The following SORBS2 variants were observed in gnomAD, a reference collection of about 807,000 sequenced individuals.
The protein encoded by SORBS2 is sorbin and SH3 domain containing 2.
Under a neutral mutation model 97.7 loss-of-function variants are expected in SORBS2, and 46 were observed. The ratio of observed to expected loss-of-function variants is 0.47; its 90% CI spans 0.37 to 0.60. The LOEUF (loss-of-function observed/expected upper bound fraction) is 0.60, where lower values mean the gene tolerates loss of function less well. Among genes scored for constraint, SORBS2 ranks in the 20% least tolerant of loss-of-function variants. The probability of loss-of-function intolerance (pLI) is 0.00; values close to 1 mark genes in which losing one functional copy is unlikely to be tolerated. For synonymous variants in SORBS2, 476 were observed against 473.4 expected, an observed-to-expected ratio of 1.01 and a Z score of -0.07; for missense variants, 1,316 against 1,282.3, an observed-to-expected ratio of 1.03 and a Z score of -0.40.
intron 4 of SORBS2, among the ~76,000 whole-genome samples, chr4:185,671,484 A>T (rs4862558): frequency 0.79 from 120,300 of 152,114 alleles, 47,822 homozygotes; most frequent in East Asian, 0.92. Flanking sequence ...TTCATGTGTA[A>T]AATATAGGCA....
chr4:185,606,069 G>C lies in SORBS2; in HGVS notation c.2796+5711C>G. The C allele has an allele frequency of 8.1e-6, 8 of 984,514 alleles. No individual in the cohort carries two copies. Among genetic ancestry groups the C allele is most frequent in the Non-Finnish European group, 9.6e-6 (8 of 829,156 alleles). The allele number at this position is 984,514 out of a possible 1,614,324, so 61.0% of individuals were successfully genotyped here. A position where few individuals can be genotyped will look rare whatever the true frequency, so the allele number is the denominator to read the frequency against. ...AGAAGTGCTGTTTTTCTTTTCTGTT[G>C]TCTTTGTTTATTATTAGCATTATTA... On this transcript the variant is annotated intron_variant, in intron 12 of 14. Coordinates refer to ENST00000418609, the Ensembl canonical transcript of SORBS2. This position sits in a 1 kb window ranked among gnomAD's most constrained non-coding sequence, Gnocchi z 4.3.
At chr4:185,776,656 T>C (rs905634796) in intron 1 of SORBS2, among the ~76,000 whole-genome samples, 1 of 151,992 alleles carries the variant, frequency 6.6e-6, no homozygotes, top group Non-Finnish European at 1.5e-5. Context: ...AATCCAGCAC[T>C]TTGGGAGGCT....
At chr4:185,659,452 A>T (rs943690493), upstream of SORBS2, among the ~76,000 whole-genome samples, 7 of 106,400 alleles carry the variant, frequency 6.6e-5, no homozygotes, top group African/African-American at 1.3e-4. Context: ...AGTCTTGCTC[A>T]GTCACCCAGG....
intron 2 of SORBS2, among the ~76,000 whole-genome samples, chr4:185,769,828 T>A (rs2153621549): frequency 6.6e-6 from 1 of 152,280 alleles, no homozygotes; most frequent in South Asian, 2.1e-4. Flanking sequence ...ATACATCCTA[T>A]TAATACAGTG....
intron 1 of SORBS2, among the ~76,000 whole-genome samples, chr4:185,860,940 A>C (rs1442620306): frequency 1.3e-5 from 2 of 151,768 alleles, no homozygotes; most frequent in African/African-American, 4.8e-5. Context: ...AAGATGCCAG[A>C]CTCTTAGCTT....
At position 185,932,352 on chromosome 4, in the gene SORBS2, C is replaced by T. The variant is rs150369141; in HGVS notation, c.-338+23844G>A. The stretch of plus-strand genomic sequence containing the variant: ...TAAGTCAACTTTTAATAACCACACA[C>T]GGTTTTGACATGTCCACTGCTGCTT... On this transcript the variant is annotated intron_variant, in intron 1 of 20. Coordinates refer to the SORBS2 transcript ENST00000284776. Among the ~76,000 whole-genome samples, 208 of 151,732 alleles carry T rather than the reference C, an allele frequency of 1.4e-3. 3 individuals are homozygous for T. Among genetic ancestry groups the T allele is most frequent in the African/African-American group, 4.7e-3 (193 of 41,324 alleles).
At chr4:185,793,889 G>C (rs2153649995) in intron 1 of SORBS2, among the ~76,000 whole-genome samples, 1 of 152,322 alleles carries the variant, frequency 6.6e-6, no homozygotes, top group South Asian at 2.1e-4. Flanking sequence ...TCACATGGCA[G>C]CGGCCACACC....
intron 2 of SORBS2, among the ~76,000 whole-genome samples, chr4:185,652,159 G>A (rs2097326553): frequency 6.6e-6 from 1 of 151,982 alleles, no homozygotes; most frequent in Non-Finnish European, 1.5e-5. Flanking sequence ...TTTTTTATCT[G>A]TAACATATTC....
chr4:185,702,490 A>G (rs2098278212), intron 2 of SORBS2, among the ~76,000 whole-genome samples: 2 of 151,988 alleles, frequency 1.3e-5, no homozygotes, highest in Admixed American at 1.3e-4. Flanking sequence ...AGACTCAAAC[A>G]CCTCCCATTA....
At chr4:185,693,044 T>C (rs903851562) in intron 2 of SORBS2, among the ~76,000 whole-genome samples, 1 of 152,172 alleles carries the variant, frequency 6.6e-6, no homozygotes, top group Admixed American at 6.5e-5. Flanking sequence ...CTGGGCATCA[T>C]TGCAGTGTAG....
At chr4:185,939,757 G>A (rs528864804) in intron 1 of SORBS2, among the ~76,000 whole-genome samples, 42 of 152,150 alleles carry the variant, frequency 2.8e-4, no homozygotes, top group East Asian at 1.4e-3. Context: ...TGATCTGCCC[G>A]CCTCGGCCTC....
At chr4:185,925,987 G>C (rs1283570072) in intron 1 of SORBS2, among the ~76,000 whole-genome samples, 1 of 152,182 alleles carries the variant, frequency 6.6e-6, no homozygotes, top group African/African-American at 2.4e-5. Flanking sequence ...CTGTGTGGGA[G>C]CGAAGGATTC....
chr4:185,618,653 T>C, intron 8 of SORBS2, 22 bp from the exon 21 acceptor site: 1 of 1,492,554 alleles, frequency 6.7e-7, no homozygotes, highest in Non-Finnish European at 9.1e-7. Context: ...GATAAACAAT[T>C]AGCACTAATT....
At chr4:185,835,446 T>C (rs901998728) in intron 1 of SORBS2, among the ~76,000 whole-genome samples, 1 of 152,170 alleles carries the variant, frequency 6.6e-6, no homozygotes, top group Non-Finnish European at 1.5e-5. Flanking sequence ...TGAAACCATA[T>C]TATCTCACAT....
rs1000059062 is a variant in SORBS2, at chr4:185,912,374, C to T, written c.-338+43822G>A. ...CCGAGGCGGGTGGATCATCTGAGGT[C>T]AGGAGTTCGAGACCAGCCTGGCCAA... is the stretch of plus-strand genomic sequence containing the variant. On this transcript the variant is annotated intron_variant, in intron 1 of 20. Coordinates refer to the SORBS2 transcript ENST00000284776. Among the ~76,000 whole-genome samples the T allele has an allele frequency of 4.6e-5, 7 of 151,934 alleles. 1 individual carries two copies. The highest frequency in any genetic ancestry group is 8.8e-5 in the Non-Finnish European group (6 of 67,994).
At chr4:185,593,836 T>G (rs1215472314) in intron 13 of SORBS2, 50 bp downstream of exon 25, 1 of 1,239,240 alleles carries the variant, frequency 8.1e-7, no homozygotes. Context: ...AGTTGTCCAT[T>G]TTGTGGGTCA....
At chr4:185,906,466 A>G (rs1456755931) in intron 1 of SORBS2, among the ~76,000 whole-genome samples, 2 of 152,256 alleles carry the variant, frequency 1.3e-5, no homozygotes, top group Non-Finnish European at 2.9e-5. Flanking sequence ...TTAGGAAGTT[A>G]ATTAGAGATA....
intron 1 of SORBS2, among the ~76,000 whole-genome samples, chr4:185,837,711 AG>A (rs2099208927): frequency 6.6e-6 from 1 of 152,158 alleles, no homozygotes; most frequent in African/African-American, 2.4e-5. Flanking sequence ...CCTTTTGCAA[AG>A]CCTATAATCT....
intron 1 of SORBS2, among the ~76,000 whole-genome samples, chr4:185,791,910 C>T (rs1347339271): frequency 6.6e-6 from 1 of 152,124 alleles, no homozygotes; most frequent in Non-Finnish European, 1.5e-5. Flanking sequence ...AGGGGTAAAA[C>T]CACCACTGCC....
Sources: gnomAD v4.1 joint callset for allele counts (sites outside exome capture counted in the v4.1 genomes callset) on GRCh38, gnomAD v4.1.1 for gene constraint, Gnocchi (gnomAD v3.1) non-coding constraint, MANE v1.5 for transcripts, NCBI Gene and HGNC (gene_info 2026-07-23, HGNC 2026-07-21) for gene names.